Variants in PINK1 observed in about 807,000 individuals in gnomAD.
The protein encoded by PINK1 is PTEN induced kinase 1.
Under a neutral mutation model 56.0 loss-of-function variants are expected in PINK1, and 58 were observed. The observed-to-expected ratio is 1.04, with a 90% CI of 0.84 to 1.29. The LOEUF (loss-of-function observed/expected upper bound fraction) is 1.29. Among genes scored for constraint, PINK1 ranks in the 50% most tolerant of loss-of-function variants. The pLI is 0.00. For synonymous variants in PINK1, 354 were observed against 339.3 expected (o/e 1.04, Z -0.48); for missense variants, 745 against 777.9 (o/e 0.96, Z 0.50).
chr1:20,644,680 A>T lies in PINK1; in HGVS notation c.959+8A>T. On this transcript the variant is annotated splice_region_variant and intron_variant, in intron 4 of 7. Coordinates refer to ENST00000321556, the MANE Select transcript of PINK1 (RefSeq NM_032409.3). ...GTTCCTCGTTATGAAGAAGTAAGTGACAGCAGCGCGGCAGGGCCTGGAGCT... is the reference window on the plus strand; with the variant it reads ...GTTCCTCGTTATGAAGAAGTAAGTGTCAGCAGCGCGGCAGGGCCTGGAGCT... 1 of 1,613,978 alleles carries T rather than the reference A, an allele frequency of 6.2e-7. No homozygotes were observed. Among genetic ancestry groups the T allele is most frequent in the Non-Finnish European group, 8.5e-7 (1 of 1,180,000 alleles).
intron 1 of PINK1, among the ~76,000 whole-genome samples, chr1:20,635,675 C>T (rs1306454684): frequency 5.3e-5 from 8 of 151,564 alleles, no homozygotes; most frequent in East Asian, 2.0e-4. Context: ...GGTGAAACCC[C>T]GCCTCTACTA....
At chr1:20,650,389 CTG>C (rs1435520819) in intron 7 of PINK1, 43 bp from the exon 8 acceptor site, 2 of 1,611,362 alleles carry the variant, frequency 1.2e-6, no homozygotes, top group African/African-American at 1.3e-5. Context: ...TGGGTTGAGA[CTG>C]TGTTAACAGA....
At position 20,651,393 on chromosome 1, in the gene PINK1, G is replaced by A. The variant is rs922209796; in HGVS notation, c.*702G>A. 35 of 152,822 alleles carry A rather than the reference G, an allele frequency of 2.3e-4. No homozygotes were observed. The highest frequency in any genetic ancestry group is 8.0e-4 in the African/African-American group (33 of 41,414). 9.5% of individuals were successfully genotyped at this position (152,822 alleles called of 1,614,324 possible). ...TACTCTGAAGGTGAGAATATTTTGT[G>A]GGCAGGTATCAACATTGGGGAAGAG... On this transcript the variant is annotated 3_prime_UTR_variant, in exon 8 of 8. Transcript: ENST00000321556.
chr1:20,634,151 A>C (rs1030862989), intron 1 of PINK1, among the ~76,000 whole-genome samples: 2 of 152,238 alleles, frequency 1.3e-5, no homozygotes, highest in African/African-American at 4.8e-5. Flanking sequence ...TCCCTTCCTC[A>C]AATGAAGACA....
At position 20,649,015 on chromosome 1, in the gene PINK1, C is replaced by A; in HGVS notation, c.1272C>A (p.Gly424=). ...MAPEVSTARP[G]PRAVIDYSKA... The stretch of plus-strand genomic sequence containing the variant: ...AGCAGGTGTCCACGGCCCGTCCTGG[C>A]CCCAGGGCAGTGATTGACTACAGCA... The change falls in exon 7 of 8, where the codon GGC becomes GGA. Residue 424 remains glycine (G), a synonymous_variant. Transcript: ENST00000321556. The A allele has an allele frequency of 6.2e-7, 1 of 1,613,520 alleles. No homozygotes were observed. Among genetic ancestry groups the A allele is most frequent in the Non-Finnish European group, 8.5e-7 (1 of 1,180,034 alleles).
rs975304826 is a variant in PINK1, at chr1:20,641,295, T to G, written c.776+1303T>G. Among the ~76,000 whole-genome samples the G allele has an allele frequency of 1.3e-5, 2 of 152,122 alleles. No homozygotes were observed. Among genetic ancestry groups the G allele is most frequent in the Non-Finnish European group, 2.9e-5 (2 of 68,024 alleles). Reference sequence around the variant, plus strand: ...TTTGGAGAAAGTGGACACCTGAATGTCAGCTGCTTTGGGGCTAACATGATC... The same window carrying G: ...TTTGGAGAAAGTGGACACCTGAATGGCAGCTGCTTTGGGGCTAACATGATC... On this transcript the variant is annotated intron_variant, in intron 3 of 7. Transcript: ENST00000321556. This position sits in a 1 kb window ranked among gnomAD's most constrained non-coding sequence, Gnocchi z 4.0.
At position 20,650,955 on chromosome 1, in the gene PINK1, A is replaced by G. The variant is rs1224452048; in HGVS notation, c.*264A>G. 2.4e-5 allele frequency: 13 copies of G among 535,246 alleles called. No homozygotes were observed. The highest frequency in any genetic ancestry group is 1.3e-5 in the Non-Finnish European group (4 of 297,028). 33.2% of individuals were successfully genotyped at this position (535,246 alleles called of 1,614,324 possible). On this transcript the variant is annotated 3_prime_UTR_variant, in exon 8 of 8. Transcript: ENST00000321556. ...TGAGGAGGGGTAGGCCTGCATCCAC[A>G]GAGAGGATCCAGGCCAAGGCACTGG...
rs1159680235 is a variant in PINK1 at position 20,638,088 on chromosome 1, C to T, written c.634C>T (p.Pro212Ser). ...AGGGCAGGAGCGAGCTCCGGGGGCC[C>T]CTGCCTTCCCCTTGGCCATCAAGAT... ...GEGQERAPGA[P>S]AFPLAIKMMW... is the part of the protein sequence containing the mutation. The change falls in exon 2 of 8, where the codon CCT becomes TCT. Residue 212 changes from proline to serine, a missense_variant. Pro to Ser is a moderately conservative substitution (Grantham distance 74). Transcript: ENST00000321556. The T allele has an allele frequency of 1.2e-6, 2 of 1,613,752 alleles. No homozygotes were observed. Among genetic ancestry groups the T allele is most frequent in the South Asian group, 1.1e-5 (1 of 91,074 alleles).
intron 1 of PINK1, among the ~76,000 whole-genome samples, chr1:20,635,445 G>T (rs1177853903): frequency 1.3e-5 from 2 of 152,076 alleles, no homozygotes; most frequent in East Asian, 1.9e-4. Flanking sequence ...AGGTTGCAGT[G>T]AGCTGAGATC....
chr1:20,646,378 G>T (rs2053181178), intron 5 of PINK1, among the ~76,000 whole-genome samples: 1 of 152,140 alleles, frequency 6.6e-6, no homozygotes, highest in South Asian at 2.1e-4. Context: ...GGGGGTAGTG[G>T]CTCACGCCTG....
chr1:20,644,456 T>C lies in PINK1; in HGVS notation c.777-34T>C, dbSNP rs199769220. On this transcript the variant is annotated intron_variant, in intron 3 of 7. Transcript: ENST00000321556. ...TCTTTCCAGGTGTTGTATCTGATGCTGGCCTCATATGTTTGTCTCACTTGG... is the reference window on the plus strand; with the variant it reads ...TCTTTCCAGGTGTTGTATCTGATGCCGGCCTCATATGTTTGTCTCACTTGG... The C allele has an allele frequency of 3.8e-4, 614 of 1,607,824 alleles. 3 individuals carry two copies. The East Asian group carries it at 0.013, about 34-fold the overall frequency.
intron 3 of PINK1, 128 bp from the exon 4 acceptor site, chr1:20,644,362 C>A: frequency 8.7e-7 from 1 of 1,147,760 alleles, no homozygotes; most frequent in Non-Finnish European, 1.3e-6. Flanking sequence ...CATAGCAAAT[C>A]TATGATAAAC....
Position 20,633,707 on chromosome 1 carries a change from C to T in PINK1, c.159C>T (p.Gly53=). ...GTCCAGGCTGGGCCGCAGGACCGGG[C>T]GCGGAGCCTCGCAGGGTCGGGCTCG... The part of the protein sequence containing the change: ...GERPGWAAGP[G]AEPRRVGLGL... The change falls in exon 1 of 8, where the codon GGC becomes GGT. Residue 53 remains glycine, a synonymous_variant. Transcript: ENST00000321556. The T allele has an allele frequency of 1.3e-6, 2 of 1,517,790 alleles. No individual in the cohort carries two copies. Among genetic ancestry groups the T allele is most frequent in the Non-Finnish European group, 1.8e-6 (2 of 1,139,144 alleles). The allele number at this position is 1,517,790 out of a possible 1,614,324, so 94.0% of individuals were successfully genotyped here. A position where few individuals can be genotyped will look rare whatever the true frequency, so the allele number is the denominator to read the frequency against.
chr1:20,642,218 C>A (rs2053123109), intron 3 of PINK1, among the ~76,000 whole-genome samples: 2 of 152,204 alleles, frequency 1.3e-5, no homozygotes, highest in Admixed American at 1.3e-4. Context: ...CATTGTTATG[C>A]AGCAAAGGGG....
At chr1:20,644,429 A>G in intron 3 of PINK1, 61 bp from the exon 4 acceptor site, 1 of 1,547,214 alleles carries the variant, frequency 6.5e-7, no homozygotes, top group Non-Finnish European at 8.9e-7. Context: ...GCCTTAGGTT[A>G]TTCTTTCCAG....
At position 20,650,570 on chromosome 1, in the gene PINK1, A is replaced by G. The variant is rs536023801; in HGVS notation, c.1625A>G (p.Asn542Ser). Residue 542 changes from asparagine (N) to serine (S), a missense_variant, in exon 8 of 8, where the codon AAC (asparagine) becomes AGC (serine). Asn to Ser is a conservative substitution (Grantham distance 46). Transcript: ENST00000321556. ...CAATCGGCCGCCACTTTGTTGGCCA[A>G]CAGGCTCACAGAGAAGTGTTGTGTG... ...LQQSAATLLA[N>S]RLTEKCCVET... The G allele has an allele frequency of 2.5e-6, 4 of 1,614,276 alleles. No individual in the cohort carries two copies. The highest frequency in any genetic ancestry group is 2.2e-5 in the South Asian group (2 of 91,090).
In PINK1 at chr1:20,633,895, C is replaced by A. The variant is rs1389741334; in HGVS notation, c.347C>A (p.Ala116Glu). ...LGLGLIEEKQAESRRAVSACQ... is the reference protein window; with the variant it reads ...LGLGLIEEKQEESRRAVSACQ... ...CTGGGCCTCATCGAGGAAAAACAGG[C>A]GGAGAGCCGGCGGGCGGTCTCGGCC... The change falls in exon 1 of 8, where the codon GCG becomes GAG. Residue 116 changes from alanine to glutamate, a missense_variant. Physicochemically the swap from Ala to Glu is moderately radical, Grantham distance 107. Transcript: ENST00000321556. The A allele has an allele frequency of 2.5e-6, 4 of 1,583,414 alleles. No homozygotes were observed. The highest frequency in any genetic ancestry group is 1.3e-5 in the African/African-American group (1 of 74,128).
intron 3 of PINK1, chr1:20,643,194 C>T (rs2053135521): frequency 6.6e-6 from 1 of 152,334 alleles, no homozygotes; most frequent in African/African-American, 2.4e-5. Flanking sequence ...CCATCTGGGT[C>T]TCGAGTGTCA....
chr1:20,635,575 G>A lies in PINK1; in HGVS notation c.387+1640G>A, dbSNP rs1216362404. On this transcript the variant is annotated intron_variant, in intron 1 of 7. Transcript: ENST00000321556. ...ACATTTAAAAAATTCTGGGCCGGGCGGGGTGGCTCATGCCTGTAATCTCAG... is the reference window on the plus strand; with the variant it reads ...ACATTTAAAAAATTCTGGGCCGGGCAGGGTGGCTCATGCCTGTAATCTCAG... Among the ~76,000 whole-genome samples the A allele has an allele frequency of 4.0e-5, 6 of 148,986 alleles. No individual in the cohort carries two copies. In the South Asian group the frequency reaches 8.6e-4, roughly 21 times the overall value.
Sources: allele counts gnomAD v4.1 joint callset (sites outside exome capture counted in the v4.1 genomes callset), GRCh38; gene constraint gnomAD v4.1.1; non-coding constraint Gnocchi (gnomAD v3.1); transcripts MANE v1.5; gene names NCBI Gene and HGNC (gene_info 2026-07-23, HGNC 2026-07-21).